The following KANTR variants were observed in gnomAD, a reference collection of about 807,000 sequenced individuals.
KANTR encodes the protein KANTR integral membrane protein.
At chrX:53,117,609 G>GTTTTT (rs869034016) in intron 2 of KANTR, among the ~76,000 whole-genome samples, 5 of 63,869 alleles carry the variant, frequency 7.8e-5, no homozygotes, top group African/African-American at 2.7e-4. Flanking sequence ...GTGTGTGTGT[G>GTTTTT]TTTTTTTTTT....
chrX:53,112,550 C>A (rs1569236213), intron 2 of KANTR, among the ~76,000 whole-genome samples: 5 of 111,862 alleles, frequency 4.5e-5, no homozygotes, highest in African/African-American at 1.3e-4. Context: ...CTGAATAGAT[C>A]ATTTCACTTT....
chrX:53,117,582 TATC>T (rs1235606373), intron 2 of KANTR, among the ~76,000 whole-genome samples: 3 of 104,065 alleles, frequency 2.9e-5, no homozygotes, highest in Non-Finnish European at 5.9e-5. Flanking sequence ...GTAAAAATAG[TATC>T]ATACTGTGTG....
chrX:53,138,215 T>C (rs1303407557), intron 2 of KANTR, among the ~76,000 whole-genome samples: 1 of 108,634 alleles, frequency 9.2e-6, no homozygotes, highest in Non-Finnish European at 1.9e-5. Flanking sequence ...ATTACAGGCA[T>C]GCGCCACGAC....
intron 2 of KANTR, among the ~76,000 whole-genome samples, chrX:53,100,233 C>T (rs1932877447): frequency 8.9e-6 from 1 of 111,776 alleles, no homozygotes; most frequent in Non-Finnish European, 1.9e-5. Context: ...GTAATCTCAG[C>T]ACTTTGGGAG....
exon 3 of KANTR, chrX:53,124,445 T>C (rs1180767844): frequency 1.4e-5 from 4 of 295,061 alleles, no homozygotes; most frequent in Non-Finnish European, 1.8e-5. Context: ...TCTGCTCTTA[T>C]CTTTTTTGAT....
chrX:53,105,958 C>T (rs1462544672), intron 2 of KANTR, among the ~76,000 whole-genome samples: 1 of 97,979 alleles, frequency 1.0e-5, no homozygotes, highest in Non-Finnish European at 2.0e-5. Flanking sequence ...CCTGGGTTCA[C>T]GCCATTCTCC....
intron 2 of KANTR, among the ~76,000 whole-genome samples, chrX:53,133,234 G>A (rs1417191717): frequency 1.8e-5 from 2 of 109,868 alleles, no homozygotes; most frequent in African/African-American, 3.3e-5. Context: ...AAATGTGGTG[G>A]TGTGTGCCTG....
chrX:53,105,864 T>C (rs1932945183), intron 2 of KANTR, among the ~76,000 whole-genome samples: 4 of 91,182 alleles, frequency 4.4e-5, no homozygotes, highest in Admixed American at 3.6e-4. Flanking sequence ...CTTTTTTTTT[T>C]TTTTTTTTTT....
At chrX:53,136,731 T>TATATATATATATA (rs1491428007) in intron 2 of KANTR, among the ~76,000 whole-genome samples, 73 of 50,010 alleles carry the variant, frequency 1.5e-3, no homozygotes, top group South Asian at 2.4e-3. Flanking sequence ...TATATATATA[T>TATATATATATATA]TTTGTTTGTT....
chrX:53,112,290 G>A (rs985153354), intron 2 of KANTR, among the ~76,000 whole-genome samples: 2 of 111,981 alleles, frequency 1.8e-5, no homozygotes, highest in African/African-American at 3.2e-5. Context: ...AGGTTGCTGC[G>A]AATGCCATTA....
At chrX:53,120,131 C>T in intron 2 of KANTR, among the ~76,000 whole-genome samples, 2 of 111,104 alleles carry the variant, frequency 1.8e-5, no homozygotes, top group Middle Eastern at 9.3e-3. Flanking sequence ...ACCTCCAGGG[C>T]TCAAGCAGTT....
intron 2 of KANTR, among the ~76,000 whole-genome samples, chrX:53,109,878 C>T (rs782132026): frequency 2.1e-4 from 23 of 109,729 alleles, no homozygotes; most frequent in Non-Finnish European, 3.8e-4. Flanking sequence ...CTCAGCCTCC[C>T]GAGTAGCTGG....
At chrX:53,110,668 T>A (rs782401550) in intron 2 of KANTR, among the ~76,000 whole-genome samples, 1 of 112,251 alleles carries the variant, frequency 8.9e-6, no homozygotes, top group Admixed American at 9.4e-5. Flanking sequence ...CTCACGCCTG[T>A]AATCCCAGCA....
intron 2 of KANTR, among the ~76,000 whole-genome samples, chrX:53,102,387 T>G (rs976362713): frequency 8.9e-6 from 1 of 112,324 alleles, no homozygotes; most frequent in Admixed American, 9.5e-5. Context: ...TCTTGAGTCT[T>G]TCTTTGTCTT....
downstream of KANTR, among the ~76,000 whole-genome samples, chrX:53,127,733 G>A (rs1176629162): frequency 6.3e-5 from 7 of 111,340 alleles, no homozygotes; most frequent in African/African-American, 2.0e-4. Flanking sequence ...CTGTGTTGTC[G>A]TGCTGCCTGT....
At chrX:53,123,837 T>G (rs1380934919) in exon 3 of KANTR, 1 of 112,601 alleles carries the variant, frequency 8.9e-6, no homozygotes, top group Non-Finnish European at 1.9e-5. Context: ...TGGATGCTAC[T>G]TATTTGTGCT....
chrX:53,117,912 G>A (rs1933157685), intron 2 of KANTR, among the ~76,000 whole-genome samples: 1 of 111,231 alleles, frequency 9.0e-6, no homozygotes, highest in African/African-American at 3.3e-5. Context: ...GAGCCACCAT[G>A]CCCGGCCCTG....
intron 2 of KANTR, among the ~76,000 whole-genome samples, chrX:53,106,569 A>G (rs1602115642): frequency 9.2e-6 from 1 of 108,321 alleles, no homozygotes; most frequent in Non-Finnish European, 1.9e-5. Context: ...CACCCAGCTA[A>G]TTTTTATATT....
At chrX:53,144,999 A>G (rs1447913855), downstream of KANTR, among the ~76,000 whole-genome samples, 1 of 111,214 alleles carries the variant, frequency 9.0e-6, no homozygotes, top group Non-Finnish European at 1.9e-5. Context: ...TATAAATTCT[A>G]TAGATCTATA....
Sources: gnomAD v4.1 joint callset for allele counts (sites outside exome capture counted in the v4.1 genomes callset) on GRCh38, gnomAD v4.1.1 for gene constraint, MANE v1.5 for transcripts, NCBI Gene and HGNC (gene_info 2026-07-23, HGNC 2026-07-21) for gene names.